The following CMTR1 variants were observed in gnomAD, a reference collection of about 807,000 sequenced individuals.
CMTR1 encodes the protein cap-specific mRNA (nucleoside-2'-O-)-methyltransferase 1.
In CMTR1, 39 loss-of-function variants were observed where a neutral mutation model predicts 107.0. The observed-to-expected ratio is 0.36, with a 90% CI of 0.28 to 0.48. The LOEUF (loss-of-function observed/expected upper bound fraction) is 0.48. Among genes scored for constraint, CMTR1 ranks in the 20% least tolerant of loss-of-function variants. The probability of loss-of-function intolerance (pLI) is 0.99; values close to 1 mark genes in which losing one functional copy is unlikely to be tolerated. For missense variants in CMTR1, 672 were observed against 1,064.9 expected (o/e 0.63, Z 5.14); for synonymous variants, 366 against 379.5 (o/e 0.96, Z 0.41).
intron 2 of CMTR1, among the ~76,000 whole-genome samples, chr6:37,438,815 C>T (rs1189000362): frequency 3.9e-5 from 6 of 152,180 alleles, no homozygotes; most frequent in African/African-American, 1.4e-4. Context: ...AGGTGTCCCC[C>T]GGACAGTATA....
At chr6:37,463,413 A>G (rs1027868334) in intron 13 of CMTR1, among the ~76,000 whole-genome samples, 1 of 152,342 alleles carries the variant, frequency 6.6e-6, no homozygotes, top group South Asian at 2.1e-4. Flanking sequence ...CATGTGTACA[A>G]CATGCTTTGG....
At chr6:37,435,833 G>T (rs1771517675) in intron 2 of CMTR1, 71 bp downstream of exon 2, 1 of 1,480,162 alleles carries the variant, frequency 6.8e-7, no homozygotes, top group Non-Finnish European at 9.0e-7. Context: ...TAATCTAGGT[G>T]GAGCAGACTA....
upstream of CMTR1, among the ~76,000 whole-genome samples, chr6:37,428,549 C>T (rs2113855652): frequency 6.6e-6 from 1 of 152,246 alleles, no homozygotes; most frequent in African/African-American, 2.4e-5. Context: ...CCTCCACCTC[C>T]CGGATTCAAG....
chr6:37,453,309 T>C lies in CMTR1; in HGVS notation c.774T>C (p.Tyr258=), dbSNP rs1427843069. 15 of 1,613,910 alleles carry C rather than the reference T, an allele frequency of 9.3e-6. No homozygotes were observed. The highest frequency in any genetic ancestry group is 2.2e-5 in the East Asian group (1 of 44,894). Residue 258 remains tyrosine, a synonymous_variant, in exon 8 of 24, where the codon TAT becomes TAC. Coordinates refer to ENST00000373451, the MANE Select transcript of CMTR1 (RefSeq NM_015050.3). ...DRMFTNPRDS[Y]GKPLVKDREA... Reference sequence around the variant, plus strand: ...TGTTCACAAATCCGCGGGACTCTTATGGGGTGAGAACAAGATTCTGCTTCT... The same window carrying C: ...TGTTCACAAATCCGCGGGACTCTTACGGGGTGAGAACAAGATTCTGCTTCT...
upstream of CMTR1, among the ~76,000 whole-genome samples, chr6:37,428,331 A>G (rs1301239462): frequency 1.3e-5 from 2 of 152,164 alleles, no homozygotes; most frequent in Admixed American, 6.5e-5. Flanking sequence ...TTAGGTTGTG[A>G]CGACTTTTGT....
At chr6:37,474,916 T>TA (rs1761706767) in intron 18 of CMTR1, among the ~76,000 whole-genome samples, 1 of 152,220 alleles carries the variant, frequency 6.6e-6, no homozygotes, top group South Asian at 2.1e-4. Context: ...GGGTATTTTT[T>TA]AGCAGCTGAT....
chr6:37,445,481 C>CA (rs1771763333), intron 3 of CMTR1, among the ~76,000 whole-genome samples: 6 of 144,504 alleles, frequency 4.2e-5, no homozygotes, highest in Admixed American at 4.1e-4. Flanking sequence ...TCCCATACCT[C>CA]ACCTTTTTTT....
chr6:37,438,236 T>C (rs1771584680), intron 2 of CMTR1, among the ~76,000 whole-genome samples: 1 of 152,080 alleles, frequency 6.6e-6, no homozygotes, highest in Non-Finnish European at 1.5e-5. Context: ...AGATATTAGC[T>C]GGGCATGGTG....
intron 4 of CMTR1, among the ~76,000 whole-genome samples, chr6:37,447,338 G>C (rs1771818418): frequency 6.6e-6 from 1 of 152,152 alleles, no homozygotes; most frequent in South Asian, 2.1e-4. Context: ...GACGAGTGAG[G>C]GGCTCATGGG....
Position 37,480,454 on chromosome 6 carries a change from T to G in CMTR1, c.*309T>G. ...GCACGTGGGACTGATGGAGGACATA[T>G]CAGAGTGGCAGAGCTGTGGGCTCTG... On this transcript the variant is annotated 3_prime_UTR_variant, in exon 24 of 24. Transcript: ENST00000373451. 1 of 1,191,260 alleles carries G rather than the reference T, an allele frequency of 8.4e-7. No homozygotes were observed. Among genetic ancestry groups the G allele is most frequent in the South Asian group, 2.0e-5 (1 of 49,510 alleles). The allele number at this position is 1,191,260 out of a possible 1,614,324, so 73.8% of individuals were successfully genotyped here.
At chr6:37,425,188 C>T in the CMTR1 span, among the ~76,000 whole-genome samples, 15 of 149,938 alleles carry the variant, frequency 1.0e-4, no homozygotes, top group Middle Eastern at 3.6e-3. Flanking sequence ...ATGATCCGCC[C>T]GCCTTGGCCT....
upstream of CMTR1, among the ~76,000 whole-genome samples, chr6:37,430,166 C>CA (rs982561638): frequency 5.3e-5 from 8 of 152,172 alleles, no homozygotes; most frequent in African/African-American, 1.9e-4. Context: ...TTGGGAAACT[C>CA]ACTCTTGATT....
At position 37,479,354 on chromosome 6, in the gene CMTR1, C is replaced by T; in HGVS notation, c.2375+99C>T. On this transcript the variant is annotated intron_variant, in intron 23 of 23. Coordinates refer to ENST00000373451, the MANE Select transcript of CMTR1 (RefSeq NM_015050.3). ...TGGGGGCACACCCTGGGTCCTGAGA[C>T]TGTTGCCCATGCAGGGGTTCCCCTG... The T allele has an allele frequency of 1.5e-5, 13 of 862,812 alleles. 1 individual carries two copies. In the South Asian group the frequency reaches 1.7e-4, roughly 11 times the overall value. 53.4% of individuals were successfully genotyped at this position (862,812 alleles called of 1,614,324 possible).
chr6:37,465,928 GT>G (rs59230036), intron 13 of CMTR1, among the ~76,000 whole-genome samples: 145,640 of 150,926 alleles, frequency 0.96, 70,322 homozygotes, highest in East Asian at 1. Context: ...GATTCTGTAG[GT>G]TTTTTTTTTC....
intron 6 of CMTR1, among the ~76,000 whole-genome samples, chr6:37,452,309 G>T (rs999498124): frequency 6.6e-6 from 1 of 152,124 alleles, no homozygotes; most frequent in Non-Finnish European, 1.5e-5. Flanking sequence ...CTTTTCTCAG[G>T]GTTGTTGTGA....
At chr6:37,424,387 C>T in the CMTR1 span, among the ~76,000 whole-genome samples, 2 of 151,664 alleles carry the variant, frequency 1.3e-5, no homozygotes, top group Non-Finnish European at 1.5e-5. Flanking sequence ...GGACTACAGG[C>T]GCCCGCCACC....
intron 12 of CMTR1, among the ~76,000 whole-genome samples, chr6:37,462,552 G>T (rs1479783714): frequency 6.6e-6 from 1 of 152,168 alleles, no homozygotes; most frequent in East Asian, 1.9e-4. Context: ...TGATTCATTA[G>T]GTCTATAATT....
At chr6:37,438,890 C>A (rs1400740567) in intron 2 of CMTR1, among the ~76,000 whole-genome samples, 1 of 152,190 alleles carries the variant, frequency 6.6e-6, no homozygotes, top group Non-Finnish European at 1.5e-5. Flanking sequence ...TCAAATCATT[C>A]TATTAAAGCA....
intron 3 of CMTR1, among the ~76,000 whole-genome samples, chr6:37,445,825 A>C (rs1771782544): frequency 1.3e-5 from 2 of 152,008 alleles, no homozygotes; most frequent in Admixed American, 6.6e-5. Context: ...GCAAGTTTTT[A>C]ATCTCTTAAG....
Sources: gnomAD v4.1 joint callset for allele counts (sites outside exome capture counted in the v4.1 genomes callset) on GRCh38, gnomAD v4.1.1 for gene constraint, MANE v1.5 for transcripts, NCBI Gene and HGNC (gene_info 2026-07-23, HGNC 2026-07-21) for gene names.